The following USP43 variants were observed in gnomAD, a reference collection of about 807,000 sequenced individuals.
The protein encoded by USP43 is ubiquitin carboxyl-terminal hydrolase 43.
USP43 carries 33 observed loss-of-function variants against 90.7 expected under a neutral mutation model. That is an observed-to-expected ratio of 0.36 (90% CI 0.28 to 0.49). The LOEUF is 0.49. Among genes scored for constraint, USP43 ranks in the 20% least tolerant of loss-of-function variants. The pLI, the probability that USP43 is intolerant of heterozygous loss-of-function variation, is 0.98. For synonymous variants in USP43, 598 were observed against 615.8 expected (o/e 0.97, Z 0.43); for missense variants, 1,274 against 1,476.4 (o/e 0.86, Z 2.25).
At chr17:9,678,477 C>A (rs1300919572) in intron 5 of USP43, among the ~76,000 whole-genome samples, 1 of 152,104 alleles carries the variant, frequency 6.6e-6, no homozygotes, top group Non-Finnish European at 1.5e-5. Flanking sequence ...CTGCCTCAGC[C>A]TCCTGAGTAT....
At chr17:9,661,932 A>C (rs758903748) in intron 2 of USP43, among the ~76,000 whole-genome samples, 1 of 152,156 alleles carries the variant, frequency 6.6e-6, no homozygotes, top group Admixed American at 6.5e-5. Flanking sequence ...TCCAACAAGA[A>C]GGGAACTTAG....
chr17:9,645,383 C>G (rs1232059481), upstream of USP43: 2 of 265,196 alleles, frequency 7.5e-6, no homozygotes, highest in African/African-American at 4.5e-5. The surrounding 1 kb of genome is among the most constrained non-coding windows in gnomAD (Gnocchi z 6.8). Context: ...GACTCCCAGT[C>G]AGCGCAGCGG....
intron 12 of USP43, among the ~76,000 whole-genome samples, chr17:9,703,109 G>A (rs1490251669): frequency 6.6e-6 from 1 of 152,126 alleles, no homozygotes; most frequent in African/African-American, 2.4e-5. Flanking sequence ...ACTTCTCTGG[G>A]CCGAAAATAG....
intron 5 of USP43, 97 bp from the exon 6 acceptor site, chr17:9,680,134 G>T: frequency 7.2e-7 from 1 of 1,391,712 alleles, no homozygotes; most frequent in Middle Eastern, 2.2e-4. Context: ...GAAGGAAAAG[G>T]TGAAAAATGG....
chr17:9,681,192 A>T lies in USP43; in HGVS notation c.1105+826A>T, dbSNP rs1200689846. 2.8e-4 allele frequency among the ~76,000 whole-genome samples: 19 copies of T among 68,526 alleles called. 2 individuals are homozygous for T. The highest frequency in any genetic ancestry group is 7.3e-4 in the African/African-American group (9 of 12,252). 45.0% of individuals were successfully genotyped at this position (68,526 alleles called of 152,430 possible). On this transcript the variant is annotated intron_variant, in intron 6 of 14. Coordinates refer to ENST00000285199, the MANE Select transcript of USP43 (RefSeq NM_153210.5). ...TATATACTATATAATATACTATATAATATATACTATATAATATATACATTA... is the reference window on the plus strand; with the variant it reads ...TATATACTATATAATATACTATATATTATATACTATATAATATATACATTA...
At chr17:9,726,243 T>C (rs73973832) in intron 14 of USP43, among the ~76,000 whole-genome samples, 14,928 of 152,112 alleles carry the variant, frequency 0.098, 1,244 homozygotes, top group East Asian at 0.33. Context: ...CACCTCATTC[T>C]TTTGCCTTTC....
rs886576831 is a variant in USP43 at position 9,663,407 on chromosome 17, C to T, written c.637-3241C>T. ...CTGCCTCCCAGGTTAAAGCGATTCT[C>T]CTGTCTCAGCCTCCCAAGTAGCTGG... is the stretch of plus-strand genomic sequence containing the variant. On this transcript the variant is annotated intron_variant, in intron 2 of 14. Transcript: ENST00000285199. Among the ~76,000 whole-genome samples, 20 of 151,784 alleles carry T rather than the reference C, an allele frequency of 1.3e-4. 1 individual carries two copies. Among genetic ancestry groups the T allele is most frequent in the Admixed American group, 1.1e-3 (16 of 15,238 alleles).
chr17:9,689,889 A>C (rs528576495), intron 8 of USP43, among the ~76,000 whole-genome samples: 3 of 152,280 alleles, frequency 2.0e-5, no homozygotes, highest in Non-Finnish European at 2.9e-5. Flanking sequence ...TCTCCCCCAG[A>C]TTTAAATTAA....
chr17:9,716,559 G>C (rs898237228), intron 14 of USP43, among the ~76,000 whole-genome samples: 1 of 152,150 alleles, frequency 6.6e-6, no homozygotes, highest in Non-Finnish European at 1.5e-5. Flanking sequence ...CAATAAAAAA[G>C]CAAACACAGG....
intron 3 of USP43, among the ~76,000 whole-genome samples, chr17:9,668,825 A>G (rs986494418): frequency 1.7e-4 from 26 of 151,960 alleles, no homozygotes; most frequent in Admixed American, 6.6e-4. Context: ...AGCCGCTTGT[A>G]GGGCATCTGT....
chr17:9,686,940 TGC>T lies in USP43; in HGVS notation c.1353+33_1353+34del. 3.9e-6 allele frequency: 6 copies of T among 1,548,914 alleles called. No individual in the cohort carries two copies. Among genetic ancestry groups the T allele is most frequent in the African/African-American group, 1.4e-5 (1 of 73,866 alleles). ...TGGTGTGCATGCGTGTGTGTGTGTG[TGC>T]GTGCATGCGCATGTGCATGCGTGTG... is the stretch of plus-strand genomic sequence containing the variant. On this transcript the variant is annotated intron_variant, in intron 8 of 14. Coordinates refer to ENST00000285199, the MANE Select transcript of USP43 (RefSeq NM_153210.5). The surrounding 1 kb of genome is among the most constrained non-coding windows in gnomAD (Gnocchi z 5.5).
rs576304330 is a variant in USP43, at chr17:9,729,543, C to G, written c.*553C>G. 2 of 150,618 alleles carry G rather than the reference C, an allele frequency of 1.3e-5. No individual in the cohort carries two copies. Among genetic ancestry groups the G allele is most frequent in the African/African-American group, 4.9e-5 (2 of 41,122 alleles). 9.3% of individuals were successfully genotyped at this position (150,618 alleles called of 1,614,324 possible). A position where few individuals can be genotyped will look rare whatever the true frequency, so the allele number is the denominator to read the frequency against. On this transcript the variant is annotated 3_prime_UTR_variant, in exon 15 of 15. Coordinates refer to ENST00000285199, the MANE Select transcript of USP43 (RefSeq NM_153210.5). ...GATGGGAGATAAATGGCTGAGAGTT[C>G]AGGTGAATATTTAATATATTAAAAA...
chr17:9,677,395 T>C (rs962625554), intron 5 of USP43, among the ~76,000 whole-genome samples: 1 of 152,348 alleles, frequency 6.6e-6, no homozygotes. Context: ...GTCTTGGCAA[T>C]ATAAACCAGG....
chr17:9,676,235 T>C (rs2315573), intron 4 of USP43, among the ~76,000 whole-genome samples: 1 of 152,324 alleles, frequency 6.6e-6, no homozygotes, highest in South Asian at 2.1e-4. Flanking sequence ...AATCAAATAC[T>C]TTTTCCCCCA....
intron 4 of USP43, 101 bp from the exon 5 acceptor site, chr17:9,676,645 T>C: frequency 7.0e-7 from 1 of 1,424,148 alleles, no homozygotes; most frequent in South Asian, 1.5e-5. Flanking sequence ...ATGCTAGGAT[T>C]ACAGGTGTGA....
chr17:9,686,943 G>A lies in USP43; in HGVS notation c.1353+34G>A, dbSNP rs766113246. ...TGTGCATGCGTGTGTGTGTGTGTGC[G>A]TGCATGCGCATGTGCATGCGTGTGT... On this transcript the variant is annotated intron_variant, in intron 8 of 14. Coordinates refer to ENST00000285199, the MANE Select transcript of USP43 (RefSeq NM_153210.5). This position sits in a 1 kb window ranked among gnomAD's most constrained non-coding sequence, Gnocchi z 5.5. 1.7e-5 allele frequency: 27 copies of A among 1,576,562 alleles called. No homozygotes were observed. In the East Asian group the frequency reaches 2.0e-4, roughly 12 times the overall value.
At chr17:9,713,934 G>T (rs1030655141) in intron 14 of USP43, among the ~76,000 whole-genome samples, 1 of 152,118 alleles carries the variant, frequency 6.6e-6, no homozygotes, top group African/African-American at 2.4e-5. Context: ...ACCAGGGACC[G>T]GTTTCATGGA....
At position 9,645,596 on chromosome 17, in the gene USP43, C is replaced by A; in HGVS notation, c.-37C>A. 8.5e-7 allele frequency: 1 copy of A among 1,181,870 alleles called. No individual in the cohort carries two copies. Among genetic ancestry groups the A allele is most frequent in the South Asian group, 4.2e-5 (1 of 23,668 alleles). 73.2% of individuals were successfully genotyped at this position (1,181,870 alleles called of 1,614,324 possible). A position where few individuals can be genotyped will look rare whatever the true frequency, so the allele number is the denominator to read the frequency against. ...GCTGGCCGCTCGTCCGCCTCGCGCCCGGGGGCTCCGCGCCTGGAGCTGCGC... is the reference window on the plus strand; with the variant it reads ...GCTGGCCGCTCGTCCGCCTCGCGCCAGGGGGCTCCGCGCCTGGAGCTGCGC... On this transcript the variant is annotated 5_prime_UTR_variant, in exon 1 of 15. Coordinates refer to ENST00000285199, the MANE Select transcript of USP43 (RefSeq NM_153210.5). The surrounding 1 kb of genome is among the most constrained non-coding windows in gnomAD (Gnocchi z 6.8).
chr17:9,712,188 T>C (rs1011260043), intron 14 of USP43, 56 bp downstream of exon 14: 27 of 1,493,504 alleles, frequency 1.8e-5, no homozygotes, highest in South Asian at 1.4e-4. Context: ...TCTGTTGTTA[T>C]TGCTCAGTAT....
Sources: allele counts gnomAD v4.1 joint callset (sites outside exome capture counted in the v4.1 genomes callset), GRCh38; gene constraint gnomAD v4.1.1; non-coding constraint Gnocchi (gnomAD v3.1); transcripts MANE v1.5; gene names NCBI Gene and HGNC (gene_info 2026-07-23, HGNC 2026-07-21).